Variants in FARP1 observed in about 807,000 individuals in gnomAD.
The protein encoded by FARP1 is FERM, ARH/RhoGEF and pleckstrin domain protein 1.
In FARP1, 52 loss-of-function variants were observed where a neutral mutation model predicts 128.8. The ratio of observed to expected loss-of-function variants is 0.40; its 90% confidence interval spans 0.32 to 0.51. The LOEUF is 0.51. Among genes scored for constraint, FARP1 ranks in the 20% least tolerant of loss-of-function variants. The pLI, the probability that FARP1 is intolerant of heterozygous loss-of-function variation, is 0.45. For synonymous variants in FARP1, 580 were observed against 551.8 expected (o/e 1.05, Z -0.72); for missense variants, 1,333 against 1,367.9 (o/e 0.97, Z 0.40).
chr13:98,311,820 T>A (rs1298064139), intron 2 of FARP1, among the ~76,000 whole-genome samples: 3 of 150,586 alleles, frequency 2.0e-5, no homozygotes, highest in Non-Finnish European at 4.4e-5. Flanking sequence ...TGCTGTTCTT[T>A]TATTTCGTTT....
chr13:98,298,490 G>T (rs1242574179), intron 2 of FARP1, among the ~76,000 whole-genome samples: 2 of 152,092 alleles, frequency 1.3e-5, no homozygotes, highest in East Asian at 3.9e-4. Context: ...TCATCTGCTT[G>T]TATGAAAGAG....
At chr13:98,264,446 C>T (rs1423052852) in intron 2 of FARP1, among the ~76,000 whole-genome samples, 4 of 152,188 alleles carry the variant, frequency 2.6e-5, no homozygotes, top group East Asian at 1.9e-4. Flanking sequence ...CCGTGCTCCC[C>T]GTCCGCCAGT....
chr13:98,214,053 G>A (rs1439188215), intron 2 of FARP1, among the ~76,000 whole-genome samples: 9 of 152,176 alleles, frequency 5.9e-5, no homozygotes, highest in South Asian at 2.1e-4. Flanking sequence ...CCTGGGGGCC[G>A]GAGGTGTCAC....
At chr13:98,370,884 C>T (rs141411875) in intron 5 of FARP1, among the ~76,000 whole-genome samples, 3 of 152,256 alleles carry the variant, frequency 2.0e-5, no homozygotes, top group East Asian at 1.9e-4. Context: ...CAGAAAGCAG[C>T]AGCCTTCTGG....
intron 2 of FARP1, among the ~76,000 whole-genome samples, chr13:98,282,693 A>G (rs1385580859): frequency 6.6e-6 from 1 of 152,204 alleles, no homozygotes; most frequent in African/African-American, 2.4e-5. Flanking sequence ...TCACAAAGTC[A>G]AAAGATCGAG....
Position 98,343,845 on chromosome 13 carries a change from T to G in FARP1, c.255T>G (p.Phe85Leu). The G allele has an allele frequency of 6.2e-7, 1 of 1,611,936 alleles. No homozygotes were observed. Among genetic ancestry groups the G allele is most frequent in the South Asian group, 1.1e-5 (1 of 91,056 alleles). The stretch of plus-strand genomic sequence containing the variant: ...AAGGTGACTATTTTGGCCTCGAGTT[T>G]CCTGATCACAAAAAGATCACGGTAG... Reference protein sequence around the residue: ...LVEGDYFGLEFPDHKKITVWL... With the variant: ...LVEGDYFGLELPDHKKITVWL... The change falls in exon 3 of 27, where the codon TTT (phenylalanine) becomes TTG (leucine). Residue 85 changes from phenylalanine (F) to leucine (L), a missense_variant. By Grantham distance (22) the Phe-to-Leu change is conservative. This residue lies in a region of FARP1 where 324 missense variants were observed against 398.1 expected (regional missense o/e 0.81). Coordinates refer to ENST00000319562, the MANE Select transcript of FARP1 (RefSeq NM_005766.4).
intron 13 of FARP1, chr13:98,399,657 G>A (rs1890684930): frequency 6.6e-6 from 1 of 152,158 alleles, no homozygotes; most frequent in African/African-American, 2.4e-5. Context: ...CTCAATAGGG[G>A]ACCCAGGCCT....
In FARP1 at chr13:98,439,196, G is replaced by T. The variant is rs199728514; in HGVS notation, c.2433G>T (p.Thr811=). ...GGCAGCTCCCGCTCTATGGCATGAC[G>T]GTGAGTACAGCACAGGCTCGTGGCC... is the stretch of plus-strand genomic sequence containing the variant. ...VHGQLPLYGM[T]IEESEDEWGV... Residue 811 remains threonine (T), a splice_region_variant and synonymous_variant, in exon 21 of 27, where the codon ACG becomes ACT. Coordinates refer to ENST00000319562, the MANE Select transcript of FARP1 (RefSeq NM_005766.4). The T allele has an allele frequency of 6.2e-7, 1 of 1,610,084 alleles. No individual in the cohort carries two copies. The highest frequency in any genetic ancestry group is 1.1e-5 in the South Asian group (1 of 90,618).
intron 3 of FARP1, among the ~76,000 whole-genome samples, chr13:98,362,820 A>G (rs956767953): frequency 6.6e-6 from 1 of 152,220 alleles, no homozygotes; most frequent in African/African-American, 2.4e-5. Flanking sequence ...TGGAGGTGGC[A>G]CCAGTGTCTG....
chr13:98,291,614 C>T (rs1885450050), intron 2 of FARP1, among the ~76,000 whole-genome samples: 1 of 152,166 alleles, frequency 6.6e-6, no homozygotes, highest in Admixed American at 6.5e-5. Context: ...TATCCCATCC[C>T]AGCAACACTG....
chr13:98,279,479 T>C (rs1429644707), intron 2 of FARP1, among the ~76,000 whole-genome samples: 1 of 152,216 alleles, frequency 6.6e-6, no homozygotes, highest in Non-Finnish European at 1.5e-5. Flanking sequence ...ACTGCTGTGA[T>C]GATGGAAATG....
chr13:98,361,674 G>T (rs559191547), intron 3 of FARP1, among the ~76,000 whole-genome samples: 1 of 152,170 alleles, frequency 6.6e-6, no homozygotes, highest in Admixed American at 6.5e-5. Context: ...GAAACAGAAG[G>T]CATCAGAGAG....
rs548305291 is a variant in FARP1 at position 98,448,333 on chromosome 13, G to C, written c.*16G>C. On this transcript the variant is annotated 3_prime_UTR_variant, in exon 27 of 27. Coordinates refer to ENST00000319562, the MANE Select transcript of FARP1 (RefSeq NM_005766.4). ...TGTGTATTGATGGCCGGACACACTC[G>C]TTTCCGCAGTGGCTGCTTTCCTGGA... 1 of 1,582,920 alleles carries C rather than the reference G, an allele frequency of 6.3e-7. No homozygotes were observed. The highest frequency in any genetic ancestry group is 8.7e-7 in the Non-Finnish European group (1 of 1,151,516).
rs902240961 is a variant in FARP1, at chr13:98,395,570, AAGCGTCCCGATCCCGGTCCCG to A, written c.1414+96_1414+116del. 4 of 1,416,060 alleles carry A rather than the reference AAGCGTCCCGATCCCGGTCCCG, an allele frequency of 2.8e-6. No individual in the cohort carries two copies. The Admixed American group carries it at 9.2e-5, about 33-fold the overall frequency. 87.7% of individuals were successfully genotyped at this position (1,416,060 alleles called of 1,614,324 possible). A position where few individuals can be genotyped will look rare whatever the true frequency, so the allele number is the denominator to read the frequency against. On this transcript the variant is annotated intron_variant, in intron 13 of 26. Transcript: ENST00000319562. ...AGCGAATACGACCTTCTTAGAGAAC[AAGCGTCCCGATCCCGGTCCCG>A]ATCCCGGTCCCGGTCCCAAACAAAT...
chr13:98,259,471 C>T (rs2139528824), intron 2 of FARP1, among the ~76,000 whole-genome samples: 1 of 151,922 alleles, frequency 6.6e-6, no homozygotes, highest in East Asian at 1.9e-4. Context: ...TCTTACTGCT[C>T]ACATGTCCCT....
intron 12 of FARP1, among the ~76,000 whole-genome samples, chr13:98,394,001 C>T (rs1047587224): frequency 1.3e-5 from 2 of 152,186 alleles, no homozygotes; most frequent in African/African-American, 4.8e-5. Flanking sequence ...GCGGAACCAT[C>T]GCGGCAGTGG....
intron 2 of FARP1, among the ~76,000 whole-genome samples, chr13:98,287,800 CTTT>C (rs35204639): frequency 0.36 from 42,479 of 116,566 alleles, 6,534 homozygotes; most frequent in East Asian, 0.55. Flanking sequence ...CCAGGCACTT[CTTT>C]TTTTTTTTTT....
chr13:98,415,087 G>T (rs1891326927), intron 16 of FARP1, among the ~76,000 whole-genome samples: 1 of 152,234 alleles, frequency 6.6e-6, no homozygotes, highest in African/African-American at 2.4e-5. Flanking sequence ...GGGTGCTCCA[G>T]CAGAAACTGA....
chr13:98,404,494 A>G (rs1175584768), intron 13 of FARP1: 2 of 152,110 alleles, frequency 1.3e-5, no homozygotes, highest in Non-Finnish European at 2.9e-5. Flanking sequence ...CTTTTTTTTG[A>G]TAACTGGCTT....
Sources: allele counts gnomAD v4.1 joint callset (sites outside exome capture counted in the v4.1 genomes callset), GRCh38; gene constraint gnomAD v4.1.1; regional missense constraint gnomAD v4.1.1; transcripts MANE v1.5; gene names NCBI Gene and HGNC (gene_info 2026-07-23, HGNC 2026-07-21).